Variants in GSPT1 observed in about 807,000 individuals in gnomAD.
GSPT1 encodes the protein G1 to S phase transition 1, also known as eukaryotic peptide chain release factor GTP-binding subunit ERF3A.
A neutral mutation model predicts 72.5 loss-of-function variants in GSPT1; 20 were observed. That is an observed-to-expected ratio of 0.28 (90% confidence interval 0.19 to 0.40). GSPT1 has a LOEUF of 0.40. GSPT1 is among the 10% of genes least tolerant of loss of function. The probability of loss-of-function intolerance (pLI) is 1.00; values close to 1 mark genes in which losing one functional copy is unlikely to be tolerated. For missense variants in GSPT1, 580 were observed against 811.9 expected (o/e 0.71, Z 3.47); for synonymous variants, 334 against 293.5 (o/e 1.14, Z -1.41).
intron 14 of GSPT1, 81 bp downstream of exon 14, chr16:11,875,678 ATG>A: frequency 5.4e-6 from 5 of 926,286 alleles, no homozygotes; most frequent in Non-Finnish European, 8.2e-6. Context: ...ACCTGTTGCA[ATG>A]TGTACTGTAC....
At chr16:11,905,474 AT>A (rs2054476985) in intron 1 of GSPT1, among the ~76,000 whole-genome samples, 1 of 152,102 alleles carries the variant, frequency 6.6e-6, no homozygotes, top group Non-Finnish European at 1.5e-5. Context: ...TTCCCTGTCC[AT>A]CCCCTACCCT....
Position 11,908,666 on chromosome 16 carries a change from G to A in GSPT1, c.352+6703C>T, listed in dbSNP as rs1305014767. On this transcript the variant is annotated intron_variant, in intron 1 of 14. Coordinates refer to ENST00000434724, the MANE Select transcript of GSPT1 (RefSeq NM_002094.4). The stretch of plus-strand genomic sequence containing the variant: ...TCCCAGCTACTTGGGAGACTGAGGC[G>A]GGAGAATGGCGTGAACCCGGGAGGC... 1.2e-4 allele frequency: 12 copies of A among 100,324 alleles called. 5 individuals carry two copies. The highest frequency in any genetic ancestry group is 6.5e-4 in the African/African-American group (12 of 18,572). 6.2% of individuals were successfully genotyped at this position (100,324 alleles called of 1,614,324 possible).
intron 11 of GSPT1, chr16:11,881,065 A>AT (rs1241972189): frequency 6.6e-6 from 1 of 152,104 alleles, no homozygotes; most frequent in East Asian, 1.9e-4. Context: ...CACTTGGCTA[A>AT]TTTTTTGTAT....
chr16:11,875,704 A>G lies in GSPT1; in HGVS notation c.1861+57T>C, dbSNP rs573945441. The G allele has an allele frequency of 2.3e-6, 3 of 1,290,844 alleles. No homozygotes were observed. In the South Asian group the frequency reaches 4.0e-5, roughly 17 times the overall value. 80.0% of individuals were successfully genotyped at this position (1,290,844 alleles called of 1,614,324 possible). A position where few individuals can be genotyped will look rare whatever the true frequency, so the allele number is the denominator to read the frequency against. On this transcript the variant is annotated intron_variant, in intron 14 of 14. Transcript: ENST00000434724. ...TGTGTACTGTACTGAGATGATGAAG[A>G]TGACCAAAGCTAGGTATCCTGGATA... is the stretch of plus-strand genomic sequence containing the variant.
chr16:11,885,938 G>T (rs895387965), intron 9 of GSPT1, among the ~76,000 whole-genome samples: 1 of 152,010 alleles, frequency 6.6e-6, no homozygotes, highest in Non-Finnish European at 1.5e-5. Flanking sequence ...GAATAAACTC[G>T]TATTTATGGT....
intron 1 of GSPT1, among the ~76,000 whole-genome samples, chr16:11,909,689 C>T (rs987947038): frequency 1.4e-4 from 22 of 152,232 alleles, no homozygotes; most frequent in African/African-American, 5.3e-4. Flanking sequence ...TTTTGGGAGG[C>T]CGAGACGGGT....
Position 11,870,580 on chromosome 16 carries a change from A to C in GSPT1, c.*2539T>G, listed in dbSNP as rs192988055. On this transcript the variant is annotated 3_prime_UTR_variant, in exon 15 of 15. Transcript: ENST00000434724. ...ACAGCATAGGAATTTGTATTGCTCTATAACGGTCCAACATCTCCACATAAT... is the reference window on the plus strand; with the variant it reads ...ACAGCATAGGAATTTGTATTGCTCTCTAACGGTCCAACATCTCCACATAAT... 1.3e-5 allele frequency: 2 copies of C among 152,244 alleles called. No homozygotes were observed. The highest frequency in any genetic ancestry group is 2.9e-5 in the Non-Finnish European group (2 of 68,036). The allele number at this position is 152,244 out of a possible 1,614,324, so 9.4% of individuals were successfully genotyped here. A position where few individuals can be genotyped will look rare whatever the true frequency, so the allele number is the denominator to read the frequency against.
At chr16:11,882,989 T>A (rs74946101) in intron 11 of GSPT1, 26 bp downstream of exon 11, 5 of 1,435,258 alleles carry the variant, frequency 3.5e-6, no homozygotes, top group Admixed American at 3.4e-5. Flanking sequence ...AATAAATAGA[T>A]AGGAAACAGC....
Position 11,870,173 on chromosome 16 carries a change from A to G in GSPT1, c.*2946T>C, listed in dbSNP as rs138732402. On this transcript the variant is annotated 3_prime_UTR_variant, in exon 15 of 15. Coordinates refer to ENST00000434724, the MANE Select transcript of GSPT1 (RefSeq NM_002094.4). ...AGTAACACTTTACTATTTGTCACTT[A>G]ATCTCAAGACAATACACACTCAGTC... The G allele has an allele frequency of 6.6e-5, 10 of 152,274 alleles. No individual in the cohort carries two copies. In the East Asian group the frequency reaches 1.7e-3, roughly 26 times the overall value. 9.4% of individuals were successfully genotyped at this position (152,274 alleles called of 1,614,324 possible). A position where few individuals can be genotyped will look rare whatever the true frequency, so the allele number is the denominator to read the frequency against.
chr16:11,905,463 A>C (rs1396080087), intron 1 of GSPT1, among the ~76,000 whole-genome samples: 1 of 152,072 alleles, frequency 6.6e-6, no homozygotes, highest in African/African-American at 2.4e-5. Context: ...TTTCTATCCC[A>C]TTCCCTGTCC....
Position 11,898,002 on chromosome 16 carries a change from A to G in GSPT1, c.386T>C (p.Leu129Ser), listed in dbSNP as rs753240817. 2.6e-6 allele frequency: 4 copies of G among 1,551,398 alleles called. No homozygotes were observed. The South Asian group carries it at 4.7e-5, about 18-fold the overall frequency. Residue 129 changes from leucine to serine, a missense_variant, in exon 2 of 15, where the codon TTG becomes TCG. Physicochemically the swap from Leu to Ser is moderately radical, Grantham distance 145. Coordinates refer to ENST00000434724, the MANE Select transcript of GSPT1 (RefSeq NM_002094.4). ...AAAGAGTACATCATTACCTTCACAC[A>G]ATGACTGTTCCTCTTGAGAGGATTC... Reference protein sequence around the residue: ...PVESSQEEQSLCEGSNSAVSM... With the variant: ...PVESSQEEQSSCEGSNSAVSM...
chr16:11,916,050 C>G (rs1194040040), upstream of GSPT1: 2 of 611,096 alleles, frequency 3.3e-6, no homozygotes, highest in Admixed American at 1.9e-5. Flanking sequence ...ACCTTCGCCT[C>G]GGTAGTTCTC....
At chr16:11,891,274 A>T (rs988916070) in intron 5 of GSPT1, 135 bp from the exon 6 acceptor site, 1 of 276,244 alleles carries the variant, frequency 3.6e-6, no homozygotes, top group Non-Finnish European at 6.6e-6. Context: ...TGTCTAAAAA[A>T]ATATAAAATA....
chr16:11,875,056 G>A (rs2054027635), intron 14 of GSPT1, among the ~76,000 whole-genome samples: 1 of 152,136 alleles, frequency 6.6e-6, no homozygotes, highest in South Asian at 2.1e-4. Context: ...CAGGCATGGT[G>A]GCAGCACCTA....
Position 11,892,535 on chromosome 16 carries a change from A to AAAT in GSPT1, c.699-1397_699-1396insATT, listed in dbSNP as rs1567443337. Among the ~76,000 whole-genome samples, 309 of 147,650 alleles carry AAAT rather than the reference A, an allele frequency of 2.1e-3. 4 individuals are homozygous for AAAT. The highest frequency in any genetic ancestry group is 7.4e-3 in the African/African-American group (288 of 38,688). ...AAAACAAAAAAAACAAAAAAAACAA[A>AAAT]AAATAAAAAATGGCCGGGCACGGTG... On this transcript the variant is annotated intron_variant, in intron 5 of 14. Transcript: ENST00000434724.
intron 6 of GSPT1, 26 bp downstream of exon 6, chr16:11,891,036 A>G (rs1322986450): frequency 1.5e-5 from 15 of 1,012,962 alleles, no homozygotes; most frequent in African/African-American, 4.8e-5. Context: ...AAAGTAATTT[A>G]TAAGTGTCAT....
At chr16:11,891,581 C>T (rs566421612) in intron 5 of GSPT1, among the ~76,000 whole-genome samples, 1 of 151,518 alleles carries the variant, frequency 6.6e-6, no homozygotes, top group East Asian at 1.9e-4. Flanking sequence ...AGGCTGGTCT[C>T]GAACTCCTGA....
chr16:11,892,535 A>AAAAAAAAAAAAAAAAAT (rs2054280016), intron 5 of GSPT1, among the ~76,000 whole-genome samples: 1 of 147,564 alleles, frequency 6.8e-6, no homozygotes. Flanking sequence ...AAAAAAACAA[A>AAAAAAAAAAAAAAAAAT]AAATAAAAAA....
At chr16:11,914,248 A>T (rs2054596400) in intron 1 of GSPT1, among the ~76,000 whole-genome samples, 1 of 152,212 alleles carries the variant, frequency 6.6e-6, no homozygotes, top group African/African-American at 2.4e-5. Flanking sequence ...AGAATACTTA[A>T]GTTCACTCAT....
Sources: allele counts gnomAD v4.1 joint callset (sites outside exome capture counted in the v4.1 genomes callset), GRCh38; gene constraint gnomAD v4.1.1; transcripts MANE v1.5; gene names NCBI Gene and HGNC (gene_info 2026-07-23, HGNC 2026-07-21).